THSD7B: variants seen among roughly 807,000 people sequenced by gnomAD.
THSD7B encodes thrombospondin type-1 domain-containing protein 7B.
THSD7B carries 138 observed loss-of-function variants against 213.6 expected under a neutral mutation model. The observed-to-expected ratio is 0.65, with a 90% confidence interval of 0.56 to 0.74. The LOEUF is 0.74. Ranked by LOEUF, THSD7B falls within the 30% of genes least tolerant of loss-of-function variation. THSD7B has a pLI of 0.00. For synonymous variants in THSD7B, 742 were observed against 687.0 expected, an observed-to-expected ratio of 1.08 and a Z score of -1.25; for missense variants, 1,931 against 1,991.5, an observed-to-expected ratio of 0.97 and a Z score of 0.58.
chr2:137,162,091 T>C (rs752063115), intron 6 of THSD7B, among the ~76,000 whole-genome samples: 9 of 152,274 alleles, frequency 5.9e-5, no homozygotes, highest in East Asian at 5.8e-4. Flanking sequence ...AGAAACCCAA[T>C]TGATAACCAG....
At chr2:136,961,729 G>A (rs1429287637) in intron 2 of THSD7B, among the ~76,000 whole-genome samples, 3 of 152,150 alleles carry the variant, frequency 2.0e-5, no homozygotes, top group African/African-American at 7.2e-5. Flanking sequence ...TGTGGCCTTC[G>A]CATGAACGGA....
At chr2:137,121,194 G>C (rs781773520) in intron 5 of THSD7B, among the ~76,000 whole-genome samples, 15 of 152,088 alleles carry the variant, frequency 9.9e-5, no homozygotes, top group Non-Finnish European at 2.1e-4. Context: ...GACTGTTCTT[G>C]TTATTAAAAA....
intron 2 of THSD7B, among the ~76,000 whole-genome samples, chr2:137,015,770 T>C (rs1558887840): frequency 6.6e-6 from 1 of 152,166 alleles, no homozygotes; most frequent in Non-Finnish European, 1.5e-5. Flanking sequence ...CGCCTGCTTT[T>C]CTGGCTACTT....
intron 2 of THSD7B, among the ~76,000 whole-genome samples, chr2:136,909,465 A>G (rs1248620331): frequency 1.3e-5 from 2 of 152,164 alleles, no homozygotes; most frequent in Non-Finnish European, 2.9e-5. Flanking sequence ...GCCATTTCTT[A>G]TACATCTTTG....
At chr2:136,978,067 G>A (rs910624927) in intron 2 of THSD7B, among the ~76,000 whole-genome samples, 1 of 152,112 alleles carries the variant, frequency 6.6e-6, no homozygotes, top group Non-Finnish European at 1.5e-5. Context: ...CCAAAGTGCT[G>A]GGATTACAGG....
chr2:136,825,100 T>G, intron 1 of THSD7B, among the ~76,000 whole-genome samples: 1 of 152,214 alleles, frequency 6.6e-6, no homozygotes, highest in East Asian at 1.9e-4. Context: ...CTATTTTCCT[T>G]TAAGAATCTT....
chr2:136,986,452 G>A (rs1685674114), intron 2 of THSD7B, among the ~76,000 whole-genome samples: 1 of 152,150 alleles, frequency 6.6e-6, no homozygotes, highest in South Asian at 2.1e-4. Context: ...CTTCCACCAT[G>A]ATTTTAAGTA....
chr2:137,312,788 T>C (rs1683954156), intron 12 of THSD7B, among the ~76,000 whole-genome samples: 1 of 151,690 alleles, frequency 6.6e-6, no homozygotes, highest in African/African-American at 2.4e-5. Flanking sequence ...CAGGAGCAGG[T>C]TGTTCAGTTT....
chr2:137,452,115 A>G (rs1687664209), intron 15 of THSD7B: 2 of 714,676 alleles, frequency 2.8e-6, no homozygotes, highest in Non-Finnish European at 3.4e-6. Context: ...TAAAAGACAT[A>G]TAACTCACTG....
At chr2:137,649,666 T>C (rs1287278501) in intron 21 of THSD7B, among the ~76,000 whole-genome samples, 1 of 152,202 alleles carries the variant, frequency 6.6e-6, no homozygotes, top group Non-Finnish European at 1.5e-5. Context: ...TTTTGTTTCA[T>C]TTGTCTAAGT....
chr2:136,955,097 G>A (rs1685103548), intron 2 of THSD7B, among the ~76,000 whole-genome samples: 1 of 152,180 alleles, frequency 6.6e-6, no homozygotes, highest in South Asian at 2.1e-4. Flanking sequence ...GAAAAGACCA[G>A]TTATGCTAAC....
intron 17 of THSD7B, among the ~76,000 whole-genome samples, chr2:137,596,196 G>A (rs1340128731): frequency 1.3e-5 from 2 of 152,004 alleles, no homozygotes; most frequent in African/African-American, 2.4e-5. Context: ...ACACATGCTG[G>A]ATAATACAAC....
At chr2:137,090,106 A>T (rs1336461772) in intron 3 of THSD7B, among the ~76,000 whole-genome samples, 5 of 152,004 alleles carry the variant, frequency 3.3e-5, no homozygotes, top group Admixed American at 6.6e-5. Flanking sequence ...TTAAAAAAAT[A>T]AAAATTTAAA....
At chr2:137,407,963 T>A (rs74354335) in intron 13 of THSD7B, among the ~76,000 whole-genome samples, 1 of 150,764 alleles carries the variant, frequency 6.6e-6, no homozygotes, top group African/African-American at 2.4e-5. Context: ...TTATAATAAC[T>A]AGATAACTAC....
chr2:136,855,488 C>T (rs1283577558), intron 1 of THSD7B, among the ~76,000 whole-genome samples: 1 of 152,106 alleles, frequency 6.6e-6, no homozygotes, highest in Admixed American at 6.6e-5. Context: ...CACAGTGGCA[C>T]AGTCTTGGCT....
chr2:136,880,960 C>G (rs548625309), intron 1 of THSD7B, among the ~76,000 whole-genome samples: 84 of 152,234 alleles, frequency 5.5e-4, no homozygotes, highest in African/African-American at 1.9e-3. Context: ...ATTTGGCTCC[C>G]AACCTATGTT....
At chr2:137,008,623 T>C (rs1487821941) in intron 2 of THSD7B, among the ~76,000 whole-genome samples, 3 of 152,206 alleles carry the variant, frequency 2.0e-5, no homozygotes, top group Non-Finnish European at 4.4e-5. Context: ...TGTGTGTGTT[T>C]CTATTCAATG....
At chr2:136,861,440 T>G (rs1348960220) in intron 1 of THSD7B, among the ~76,000 whole-genome samples, 2 of 152,212 alleles carry the variant, frequency 1.3e-5, no homozygotes, top group African/African-American at 2.4e-5. Flanking sequence ...AACTCCACAA[T>G]AAACATGTAG....
chr2:136,950,494 C>T (rs1685018341), intron 2 of THSD7B, among the ~76,000 whole-genome samples: 1 of 152,090 alleles, frequency 6.6e-6, no homozygotes, highest in Non-Finnish European at 1.5e-5. Context: ...TTCACTGGTC[C>T]AGAAGTAGGC....
Sources: allele counts gnomAD v4.1 joint callset (sites outside exome capture counted in the v4.1 genomes callset), GRCh38; gene constraint gnomAD v4.1.1; transcripts MANE v1.5; gene names NCBI Gene and HGNC (gene_info 2026-07-23, HGNC 2026-07-21).